The following ATP10B variants were observed in gnomAD, a reference collection of about 807,000 sequenced individuals.
The protein encoded by ATP10B is phospholipid-transporting ATPase VB.
A neutral mutation model predicts 141.2 loss-of-function variants in ATP10B; 122 were observed. That is an observed-to-expected ratio of 0.86 (90% CI 0.75 to 1.00). The LOEUF (loss-of-function observed/expected upper bound fraction) is 1.00, where lower values mean the gene tolerates loss of function less well. ATP10B is among the 50% of genes least tolerant of loss of function. ATP10B has a pLI of 0.00. For missense variants in ATP10B, 1,876 were observed against 1,825.3 expected (o/e 1.03, Z -0.51); for synonymous variants, 685 against 692.0 (o/e 0.99, Z 0.16).
intron 2 of ATP10B, among the ~76,000 whole-genome samples, chr5:160,772,493 A>G (rs112255229): frequency 1.2e-4 from 19 of 152,280 alleles, no homozygotes; most frequent in African/African-American, 4.6e-4. Context: ...ATCAGGTACC[A>G]GTTCTGTGGA....
At chr5:160,797,588 C>T (rs1412867689) in intron 1 of ATP10B, among the ~76,000 whole-genome samples, 1 of 152,140 alleles carries the variant, frequency 6.6e-6, no homozygotes, top group Non-Finnish European at 1.5e-5. Flanking sequence ...TTTCATATAA[C>T]AGATACTCAA....
At chr5:160,571,712 C>T (rs919427887) in intron 24 of ATP10B, among the ~76,000 whole-genome samples, 2 of 152,124 alleles carry the variant, frequency 1.3e-5, no homozygotes, top group African/African-American at 2.4e-5. Flanking sequence ...ATTTTGCAAT[C>T]GTTGGGCACT....
intron 22 of ATP10B, among the ~76,000 whole-genome samples, chr5:160,597,181 T>C (rs149075215): frequency 0.057 from 8,718 of 152,258 alleles, 817 homozygotes; most frequent in African/African-American, 0.2. Context: ...AGCATGGTAC[T>C]GGTACCAAAA....
intron 2 of ATP10B, among the ~76,000 whole-genome samples, chr5:160,760,047 G>A (rs927402878): frequency 6.6e-6 from 1 of 152,112 alleles, no homozygotes; most frequent in African/African-American, 2.4e-5. Context: ...TTAGAATTGT[G>A]TCTTTACGCA....
At chr5:160,757,933 C>T (rs1371370474) in intron 2 of ATP10B, among the ~76,000 whole-genome samples, 4 of 152,208 alleles carry the variant, frequency 2.6e-5, no homozygotes, top group African/African-American at 9.6e-5. Context: ...CACCCCGACT[C>T]CCAAGTGTGG....
intron 2 of ATP10B, among the ~76,000 whole-genome samples, chr5:160,779,672 C>G (rs927118957): frequency 6.6e-6 from 1 of 152,146 alleles, no homozygotes; most frequent in African/African-American, 2.4e-5. Flanking sequence ...ACCCCTGAGA[C>G]AGAGAACTCA....
At chr5:160,717,170 T>G in intron 2 of ATP10B, 136 bp from the exon 3 acceptor site, 1 of 574,274 alleles carries the variant, frequency 1.7e-6, no homozygotes, top group Non-Finnish European at 2.2e-6. Context: ...ATACTTATGA[T>G]AGTAGAAAAA....
At chr5:160,884,605 C>T in the ATP10B span, among the ~76,000 whole-genome samples, 9 of 151,780 alleles carry the variant, frequency 5.9e-5, no homozygotes, top group African/African-American at 1.7e-4. Flanking sequence ...TTTAGGCAGG[C>T]GTCATTATTT....
chr5:160,871,595 C>T, the ATP10B span, among the ~76,000 whole-genome samples: 2 of 152,148 alleles, frequency 1.3e-5, no homozygotes, highest in Non-Finnish European at 2.9e-5. Context: ...GTTTAGCTCC[C>T]ACATATCAGT....
chr5:160,800,268 C>G (rs1348001251), intron 1 of ATP10B, among the ~76,000 whole-genome samples: 1 of 152,164 alleles, frequency 6.6e-6, no homozygotes, highest in Non-Finnish European at 1.5e-5. Flanking sequence ...TGCTTAATCT[C>G]TCTAAGCCTC....
At chr5:160,808,868 C>G (rs2127943886) in intron 1 of ATP10B, among the ~76,000 whole-genome samples, 1 of 152,288 alleles carries the variant, frequency 6.6e-6, no homozygotes, top group East Asian at 1.9e-4. Context: ...GGCTCGAAGT[C>G]TGAAATCAAG....
chr5:160,589,525 A>T, intron 24 of ATP10B, 67 bp downstream of exon 24: 1 of 1,248,382 alleles, frequency 8.0e-7, no homozygotes, highest in Middle Eastern at 2.6e-4. Flanking sequence ...GAAACAATTC[A>T]GAAATTTGAG....
chr5:160,642,063 T>G (rs571063423), intron 9 of ATP10B, among the ~76,000 whole-genome samples: 1 of 151,928 alleles, frequency 6.6e-6, no homozygotes, highest in East Asian at 1.9e-4. Flanking sequence ...TGGAAAGAGT[T>G]GGGTTCAAGG....
chr5:160,794,303 T>C (rs545978634), intron 1 of ATP10B, among the ~76,000 whole-genome samples: 7 of 152,158 alleles, frequency 4.6e-5, no homozygotes, highest in Non-Finnish European at 1.0e-4. Flanking sequence ...GCATCCCCTG[T>C]TTCCTCTGGA....
At chr5:160,773,294 C>G (rs970015723) in intron 2 of ATP10B, among the ~76,000 whole-genome samples, 3 of 152,104 alleles carry the variant, frequency 2.0e-5, no homozygotes, top group Non-Finnish European at 4.4e-5. Flanking sequence ...TTTAGACAGG[C>G]TTTGCAATGG....
At chr5:160,785,272 C>T (rs1317867252) in intron 2 of ATP10B, among the ~76,000 whole-genome samples, 4 of 152,074 alleles carry the variant, frequency 2.6e-5, no homozygotes, top group African/African-American at 9.7e-5. Context: ...CAGCCAATAG[C>T]ACATCTTAAG....
chr5:160,870,071 G>T, the ATP10B span, among the ~76,000 whole-genome samples: 1 of 152,108 alleles, frequency 6.6e-6, no homozygotes, highest in Non-Finnish European at 1.5e-5. Flanking sequence ...AACTGAATTA[G>T]GGGAAAGAAA....
chr5:160,653,182 A>G (rs1215144089), intron 7 of ATP10B, among the ~76,000 whole-genome samples: 1 of 134,132 alleles, frequency 7.5e-6, no homozygotes, highest in Non-Finnish European at 1.5e-5. Flanking sequence ...TATACAATAT[A>G]TTATATATAC....
At chr5:160,654,805 T>G (rs1460889003) in intron 7 of ATP10B, among the ~76,000 whole-genome samples, 3 of 152,200 alleles carry the variant, frequency 2.0e-5, no homozygotes, top group African/African-American at 7.2e-5. Flanking sequence ...ACTAAGTATT[T>G]TATACATGCC....
Sources: gnomAD v4.1 joint callset for allele counts (sites outside exome capture counted in the v4.1 genomes callset) on GRCh38, gnomAD v4.1.1 for gene constraint, MANE v1.5 for transcripts, NCBI Gene and HGNC (gene_info 2026-07-23, HGNC 2026-07-21) for gene names.